SPPL3: variants seen among roughly 807,000 people sequenced by gnomAD.
The protein encoded by SPPL3 is signal peptide peptidase like 3, also known as signal peptide peptidase-like 3.
SPPL3 carries 5 observed loss-of-function variants against 42.4 expected under a neutral mutation model. The ratio of observed to expected loss-of-function variants is 0.12; its 90% CI spans 0.06 to 0.25. SPPL3 has a LOEUF of 0.25. Ranked by LOEUF, SPPL3 falls within the 10% of genes least tolerant of loss-of-function variation. The pLI, the probability that SPPL3 is intolerant of heterozygous loss-of-function variation, is 1.00. For missense variants in SPPL3, 235 were observed against 489.0 expected (o/e 0.48, Z 4.90); for synonymous variants, 195 against 181.8 (o/e 1.07, Z -0.58).
At chr12:120,868,162 A>G (rs549447640) in intron 1 of SPPL3, among the ~76,000 whole-genome samples, 21 of 152,290 alleles carry the variant, frequency 1.4e-4, no homozygotes, top group African/African-American at 5.1e-4. Context: ...AGGATGAGGC[A>G]GAAGGATCCC....
intron 1 of SPPL3, among the ~76,000 whole-genome samples, chr12:120,871,978 C>A (rs1057369719): frequency 1.3e-5 from 2 of 152,144 alleles, no homozygotes; most frequent in African/African-American, 4.8e-5. Context: ...GGTTCAACAT[C>A]CCTAATTTAA....
chr12:120,858,464 C>A (rs74384063), intron 1 of SPPL3, among the ~76,000 whole-genome samples: 66 of 141,628 alleles, frequency 4.7e-4, no homozygotes, highest in Admixed American at 1.1e-3. Context: ...CTCAAGAAAA[C>A]AAAAAAAAAA....
At chr12:120,797,561 A>G (rs1870146248) in intron 2 of SPPL3, among the ~76,000 whole-genome samples, 1 of 152,128 alleles carries the variant, frequency 6.6e-6, no homozygotes, top group African/African-American at 2.4e-5. Context: ...CTGTTTCTCT[A>G]TCTTGGCTGG....
intron 1 of SPPL3, among the ~76,000 whole-genome samples, chr12:120,835,241 T>C (rs1445168193): frequency 6.6e-6 from 1 of 152,230 alleles, no homozygotes; most frequent in African/African-American, 2.4e-5. Flanking sequence ...AAGGAAGCTC[T>C]TAGCCAAATA....
intron 1 of SPPL3, among the ~76,000 whole-genome samples, chr12:120,894,006 T>C (rs1873722741): frequency 1.3e-5 from 2 of 152,182 alleles, no homozygotes; most frequent in South Asian, 4.1e-4. Flanking sequence ...CTAAAAGTAG[T>C]ATTTTTGCAA....
At chr12:120,835,296 A>G (rs1871573535) in intron 1 of SPPL3, 2 of 152,246 alleles carry the variant, frequency 1.3e-5, no homozygotes, top group Non-Finnish European at 2.9e-5. Context: ...TTTATTTTTG[A>G]AACCACACCT....
chr12:120,803,829 T>G (rs369563510), intron 2 of SPPL3, among the ~76,000 whole-genome samples: 1 of 152,292 alleles, frequency 6.6e-6, no homozygotes, highest in East Asian at 1.9e-4. Flanking sequence ...TTCAGGCTTC[T>G]GTGTATGATG....
chr12:120,784,039 A>G (rs1013176757), intron 4 of SPPL3, among the ~76,000 whole-genome samples: 1 of 152,146 alleles, frequency 6.6e-6, no homozygotes, highest in African/African-American at 2.4e-5. Flanking sequence ...TTACATTTCC[A>G]TCAATACTTA....
rs748320606 is a variant in SPPL3, at chr12:120,784,602, G to C, written c.191-9C>G. 1 of 1,598,486 alleles carries C rather than the reference G, an allele frequency of 6.3e-7. No individual in the cohort carries two copies. The highest frequency in any genetic ancestry group is 8.5e-7 in the Non-Finnish European group (1 of 1,174,334). On this transcript the variant is annotated splice_polypyrimidine_tract_variant and intron_variant, in intron 3 of 10. Coordinates refer to ENST00000353487, the MANE Select transcript of SPPL3 (RefSeq NM_139015.5). ...GTCAATTGTTTGGATGCCTGAAAGA[G>C]AAAAACAGACAGATTAATAACTTAT...
chr12:120,874,904 T>C (rs1361223346), intron 1 of SPPL3, among the ~76,000 whole-genome samples: 5 of 152,170 alleles, frequency 3.3e-5, no homozygotes, highest in Non-Finnish European at 7.3e-5. Flanking sequence ...CAAAAGCCAA[T>C]ATAGCTTCTA....
intron 1 of SPPL3, among the ~76,000 whole-genome samples, chr12:120,831,054 C>G (rs1335515911): frequency 1.3e-5 from 2 of 151,928 alleles, no homozygotes; most frequent in Non-Finnish European, 2.9e-5. Flanking sequence ...AACAAAAAGG[C>G]GGAGGAAGGG....
At chr12:120,773,552 CAG>C (rs1869201219) in intron 6 of SPPL3, among the ~76,000 whole-genome samples, 1 of 152,186 alleles carries the variant, frequency 6.6e-6, no homozygotes, top group Non-Finnish European at 1.5e-5. Context: ...ACAGACTGAA[CAG>C]AGAAGCAAGA....
At chr12:120,798,323 T>C (rs1870174782) in intron 2 of SPPL3, among the ~76,000 whole-genome samples, 1 of 152,180 alleles carries the variant, frequency 6.6e-6, no homozygotes, top group Non-Finnish European at 1.5e-5. Flanking sequence ...TAGCAGAGAT[T>C]AAAACGTACA....
intron 1 of SPPL3, among the ~76,000 whole-genome samples, chr12:120,847,442 G>A (rs1435188802): frequency 6.6e-6 from 1 of 152,064 alleles, no homozygotes; most frequent in East Asian, 1.9e-4. Context: ...ACAGGTGTGT[G>A]CCACCACACC....
At chr12:120,830,555 G>GA (rs1871385962) in intron 1 of SPPL3, among the ~76,000 whole-genome samples, 1 of 39,324 alleles carries the variant, frequency 2.5e-5, no homozygotes, top group African/African-American at 9.0e-5. Context: ...GGGAGGGGAG[G>GA]GGGAGGGGTG....
intron 1 of SPPL3, among the ~76,000 whole-genome samples, chr12:120,840,962 T>TC (rs1566057556): frequency 4.7e-5 from 7 of 148,908 alleles, no homozygotes; most frequent in African/African-American, 9.8e-5. Flanking sequence ...ATTCATTCAT[T>TC]AATAAATAAA....
chr12:120,871,968 G>A (rs1191639571), intron 1 of SPPL3, among the ~76,000 whole-genome samples: 1 of 152,070 alleles, frequency 6.6e-6, no homozygotes, highest in Non-Finnish European at 1.5e-5. Context: ...CATATTTACT[G>A]GTTCAACATC....
In SPPL3 at chr12:120,860,390, C is replaced by A. The variant is rs1480063857; in HGVS notation, c.23+43455G>T. ...TATACTCAATCAATAAAAATACTTA[C>A]AGGAAAGAAGTAAATAAGTTGTATA... On this transcript the variant is annotated intron_variant, in intron 1 of 10. Coordinates refer to ENST00000353487, the MANE Select transcript of SPPL3 (RefSeq NM_139015.5). Among the ~76,000 whole-genome samples the A allele has an allele frequency of 2.6e-5, 4 of 152,102 alleles. No individual in the cohort carries two copies. The East Asian group carries it at 7.7e-4, about 29-fold the overall frequency.
At chr12:120,846,665 T>A (rs1872051475) in intron 1 of SPPL3, among the ~76,000 whole-genome samples, 1 of 152,166 alleles carries the variant, frequency 6.6e-6, no homozygotes, top group African/African-American at 2.4e-5. Flanking sequence ...GATAAAATTT[T>A]TTAAGAATAA....
Sources: gnomAD v4.1 joint callset for allele counts (sites outside exome capture counted in the v4.1 genomes callset) on GRCh38, gnomAD v4.1.1 for gene constraint, MANE v1.5 for transcripts, NCBI Gene and HGNC (gene_info 2026-07-23, HGNC 2026-07-21) for gene names.